HDAC9: variants seen among roughly 807,000 people sequenced by gnomAD.
HDAC9 encodes MEF-2 interacting transcription repressor (MITR) protein.
Under a neutral mutation model 139.4 loss-of-function variants are expected in HDAC9, and 41 were observed. That is an observed-to-expected ratio of 0.29 (90% CI 0.23 to 0.38). The LOEUF (loss-of-function observed/expected upper bound fraction) is 0.38, where lower values mean the gene tolerates loss of function less well. HDAC9 is among the 10% of genes least tolerant of loss of function. The probability of loss-of-function intolerance (pLI) is 1.00; values close to 1 mark genes in which losing one functional copy is unlikely to be tolerated. For missense variants in HDAC9, 1,147 were observed against 1,297.0 expected (o/e 0.88, Z 1.78); for synonymous variants, 517 against 476.2 (o/e 1.09, Z -1.12).
intron 13 of HDAC9, among the ~76,000 whole-genome samples, chr7:18,748,167 A>G (rs1338371645): frequency 6.6e-6 from 1 of 152,196 alleles, no homozygotes; most frequent in Admixed American, 6.5e-5. Flanking sequence ...TATAATTATC[A>G]TCTAACTTGT....
At chr7:18,967,664 T>G (rs1783963538) in intron 24 of HDAC9, among the ~76,000 whole-genome samples, 1 of 152,192 alleles carries the variant, frequency 6.6e-6, no homozygotes, top group African/African-American at 2.4e-5. Context: ...GCATTACGTA[T>G]GGAGCACACA....
intron 13 of HDAC9, among the ~76,000 whole-genome samples, chr7:18,734,841 G>T (rs978571076): frequency 6.6e-6 from 1 of 152,132 alleles, no homozygotes; most frequent in East Asian, 1.9e-4. Flanking sequence ...GAACTAGTTT[G>T]CACTCCCACC....
intron 1 of HDAC9, among the ~76,000 whole-genome samples, chr7:18,440,463 G>T (rs558031348): frequency 4.0e-4 from 61 of 152,194 alleles, no homozygotes; most frequent in Middle Eastern, 3.4e-3. Flanking sequence ...GGGATTACAG[G>T]CATGAGCCAC....
chr7:18,909,821 GT>G (rs1441835681), intron 22 of HDAC9, among the ~76,000 whole-genome samples: 3 of 151,876 alleles, frequency 2.0e-5, no homozygotes, highest in Non-Finnish European at 4.4e-5. Flanking sequence ...CTATGTGTCT[GT>G]TTTTATGCCA....
At chr7:18,749,161 C>G (rs747713476) in intron 14 of HDAC9, 23 bp downstream of exon 14, 7 of 1,610,088 alleles carry the variant, frequency 4.3e-6, no homozygotes, top group South Asian at 2.2e-5. Flanking sequence ...TGGACACACT[C>G]TTTTACTTAC....
At chr7:18,285,972 G>A (rs1030112155), upstream of HDAC9, among the ~76,000 whole-genome samples, 2 of 151,940 alleles carry the variant, frequency 1.3e-5, no homozygotes, top group African/African-American at 4.8e-5. Context: ...CTGGGCAACT[G>A]GTAATTTTGT....
chr7:18,138,333 C>T (rs1270531982), intron 1 of HDAC9, among the ~76,000 whole-genome samples: 1 of 152,030 alleles, frequency 6.6e-6, no homozygotes, highest in Non-Finnish European at 1.5e-5. Context: ...GCCTCCCTCT[C>T]CCTCTCTCCT....
At chr7:18,844,559 C>T (rs118091075) in intron 21 of HDAC9, among the ~76,000 whole-genome samples, 1,528 of 152,208 alleles carry the variant, frequency 0.01, 13 homozygotes, top group Non-Finnish European at 0.015. Context: ...AATGTTGGCT[C>T]GCCTAGGATG....
chr7:18,679,231 T>C (rs1289152070), intron 12 of HDAC9, among the ~76,000 whole-genome samples: 1 of 151,880 alleles, frequency 6.6e-6, no homozygotes, highest in Non-Finnish European at 1.5e-5. Flanking sequence ...TTCTTGGATT[T>C]TGGTACTCTT....
chr7:18,441,262 A>G (rs1791729935), intron 1 of HDAC9, among the ~76,000 whole-genome samples: 1 of 152,202 alleles, frequency 6.6e-6, no homozygotes, highest in Non-Finnish European at 1.5e-5. Flanking sequence ...TTTTAAAGAA[A>G]AAAAAGTATT....
intron 21 of HDAC9, among the ~76,000 whole-genome samples, chr7:18,870,336 C>T (rs772345888): frequency 1.3e-5 from 2 of 152,066 alleles, no homozygotes; most frequent in Non-Finnish European, 2.9e-5. Flanking sequence ...TTTTTTATGG[C>T]CATTACTTTT....
intron 23 of HDAC9, 91 bp downstream of exon 23, chr7:18,936,033 A>C (rs1781606116): frequency 4.0e-6 from 5 of 1,257,914 alleles, no homozygotes; most frequent in Admixed American, 2.2e-5. Context: ...CTGCATACTC[A>C]GAAAGCTTAA....
At chr7:18,698,216 A>T (rs2129102455) in intron 12 of HDAC9, among the ~76,000 whole-genome samples, 1 of 152,292 alleles carries the variant, frequency 6.6e-6, no homozygotes, top group African/African-American at 2.4e-5. Context: ...ATGCCTAAAT[A>T]AACTTTATTT....
chr7:18,575,019 G>T (rs1156688422), intron 2 of HDAC9, among the ~76,000 whole-genome samples: 3 of 152,240 alleles, frequency 2.0e-5, no homozygotes, highest in Non-Finnish European at 2.9e-5. Flanking sequence ...CATGGAGTGG[G>T]CAGCCCCCGC....
At position 18,300,671 on chromosome 7, in the gene HDAC9, T is replaced by C. The variant is rs963855670; in HGVS notation, c.-42+10156T>C. Among the ~76,000 whole-genome samples, 4 of 152,304 alleles carry C rather than the reference T, an allele frequency of 2.6e-5. 1 individual carries two copies. Among genetic ancestry groups the C allele is most frequent in the Admixed American group, 6.5e-5 (1 of 15,294 alleles). On this transcript the variant is annotated intron_variant, in intron 1 of 3. Transcript: ENST00000413509. ...AAATATAAGTAAAGATCTTAATAAATGTAACATTAAAGTTCTTGAACTATA... is the reference window on the plus strand; with the variant it reads ...AAATATAAGTAAAGATCTTAATAAACGTAACATTAAAGTTCTTGAACTATA...
chr7:18,200,422 G>A (rs1251180661), intron 2 of HDAC9, among the ~76,000 whole-genome samples: 3 of 152,178 alleles, frequency 2.0e-5, no homozygotes, highest in African/African-American at 7.2e-5. Context: ...CTCAAAGGCT[G>A]TATCTTCCAG....
intron 1 of HDAC9, among the ~76,000 whole-genome samples, chr7:18,349,199 T>G (rs1782656314): frequency 6.6e-6 from 1 of 151,878 alleles, no homozygotes; most frequent in Non-Finnish European, 1.5e-5. Context: ...GGCTTTTGCA[T>G]TTGTTGGTCC....
intron 12 of HDAC9, among the ~76,000 whole-genome samples, chr7:18,688,522 T>A (rs956869287): frequency 2.0e-5 from 3 of 151,918 alleles, no homozygotes; most frequent in Non-Finnish European, 2.9e-5. Flanking sequence ...GAAGGTTACA[T>A]GTTTATTCTC....
chr7:18,950,513 T>C (rs551801578), intron 23 of HDAC9, among the ~76,000 whole-genome samples: 1 of 152,220 alleles, frequency 6.6e-6, no homozygotes, highest in Admixed American at 6.6e-5. Flanking sequence ...CACCTCTTCA[T>C]GTTATTTTTT....
Sources: allele counts gnomAD v4.1 joint callset (sites outside exome capture counted in the v4.1 genomes callset), GRCh38; gene constraint gnomAD v4.1.1; transcripts MANE v1.5; gene names NCBI Gene and HGNC (gene_info 2026-07-23, HGNC 2026-07-21).